MEGF10: variants seen among roughly 807,000 people sequenced by gnomAD.
The protein encoded by MEGF10 is multiple epidermal growth factor-like domains protein 10.
MEGF10 carries 86 observed loss-of-function variants against 147.5 expected under a neutral mutation model. The observed-to-expected ratio is 0.58, with a 90% CI of 0.49 to 0.70. The LOEUF is 0.70. MEGF10 is among the 30% of genes least tolerant of loss of function. MEGF10 has a pLI of 0.00. For synonymous variants in MEGF10, 478 were observed against 525.5 expected, an observed-to-expected ratio of 0.91 and a Z score of 1.24; for missense variants, 1,329 against 1,487.3, an observed-to-expected ratio of 0.89 and a Z score of 1.75.
chr5:127,436,721 G>A (rs1765562257), intron 16 of MEGF10, among the ~76,000 whole-genome samples: 1 of 152,202 alleles, frequency 6.6e-6, no homozygotes, highest in South Asian at 2.1e-4. Context: ...AGACTATAGT[G>A]TTGCCTGTCC....
intron 2 of MEGF10, among the ~76,000 whole-genome samples, chr5:127,337,135 G>A (rs1436389204): frequency 6.6e-6 from 1 of 152,140 alleles, no homozygotes; most frequent in Non-Finnish European, 1.5e-5. Context: ...GGAAGTTAAA[G>A]TTTCACCTAT....
chr5:127,376,635 G>T (rs1763039934), intron 5 of MEGF10, among the ~76,000 whole-genome samples: 1 of 152,060 alleles, frequency 6.6e-6, no homozygotes, highest in African/African-American at 2.4e-5. Context: ...GGGGCAGAAG[G>T]GCGGTTACAT....
At chr5:127,241,308 G>A in the MEGF10 span, among the ~76,000 whole-genome samples, 1 of 152,174 alleles carries the variant, frequency 6.6e-6, no homozygotes, top group Non-Finnish European at 1.5e-5. Flanking sequence ...AGATGAGGTT[G>A]ACAGGGGTGT....
the MEGF10 span, among the ~76,000 whole-genome samples, chr5:127,237,233 A>C: frequency 6.6e-6 from 1 of 152,224 alleles, no homozygotes; most frequent in African/African-American, 2.4e-5. Flanking sequence ...GTGGTGGCTC[A>C]TGATTGTAAT....
chr5:127,263,248 T>C, the MEGF10 span, among the ~76,000 whole-genome samples: 1 of 146,840 alleles, frequency 6.8e-6, no homozygotes, highest in Non-Finnish European at 1.5e-5. Context: ...GATGGGTTCA[T>C]GAATGTGATG....
chr5:127,240,697 A>G, the MEGF10 span, among the ~76,000 whole-genome samples: 1 of 152,198 alleles, frequency 6.6e-6, no homozygotes, highest in Non-Finnish European at 1.5e-5. Flanking sequence ...AAAATGATGC[A>G]GCAGTTCACA....
chr5:127,297,802 G>A (rs1430531363), intron 1 of MEGF10, among the ~76,000 whole-genome samples: 1 of 152,088 alleles, frequency 6.6e-6, no homozygotes, highest in Non-Finnish European at 1.5e-5. Flanking sequence ...ATGGGATTAG[G>A]GGGACCTATT....
At chr5:127,448,516 G>A (rs1391676181) in intron 21 of MEGF10, among the ~76,000 whole-genome samples, 6 of 151,960 alleles carry the variant, frequency 3.9e-5, no homozygotes, top group African/African-American at 1.5e-4. Context: ...TCTAATTCCA[G>A]TGCTCTATTA....
chr5:127,422,573 G>C, intron 12 of MEGF10, 97 bp from the exon 13 acceptor site: 1 of 866,340 alleles, frequency 1.2e-6, no homozygotes, highest in South Asian at 1.4e-5. Flanking sequence ...GGGACAGCAG[G>C]GTACTGTATG....
At chr5:127,392,528 T>C (rs532668041) in intron 5 of MEGF10, among the ~76,000 whole-genome samples, 2 of 152,234 alleles carry the variant, frequency 1.3e-5, no homozygotes, top group Non-Finnish European at 2.9e-5. Context: ...TTCAGTATTG[T>C]ATTGCTTCAG....
At chr5:127,260,625 G>A in the MEGF10 span, among the ~76,000 whole-genome samples, 1 of 152,152 alleles carries the variant, frequency 6.6e-6, no homozygotes, top group African/African-American at 2.4e-5. Context: ...GTGGAGAGAT[G>A]AGTATCTGGA....
At chr5:127,387,833 T>G (rs191459576) in intron 5 of MEGF10, among the ~76,000 whole-genome samples, 42 of 152,354 alleles carry the variant, frequency 2.8e-4, no homozygotes, top group African/African-American at 9.9e-4. Context: ...AGAAACTCAA[T>G]GTATCTTAGA....
At chr5:127,282,530 C>A in the MEGF10 span, among the ~76,000 whole-genome samples, 1 of 152,184 alleles carries the variant, frequency 6.6e-6, no homozygotes, top group African/African-American at 2.4e-5. Context: ...AAAGGCCTGA[C>A]CAATTCGCAG....
chr5:127,324,884 C>T (rs574221567), intron 1 of MEGF10, among the ~76,000 whole-genome samples: 134 of 152,332 alleles, frequency 8.8e-4, no homozygotes, highest in African/African-American at 3.1e-3. Context: ...TTATCTTTCT[C>T]TTTGCCTTGT....
At position 127,434,757 on chromosome 5, in the gene MEGF10, C is replaced by G; in HGVS notation, c.1911C>G (p.Pro637=). Reference sequence around the variant, plus strand: ...CACAGTGCGTTCACAGCAGCGGGCCCTGCCACCACATCACCGGCCTGTGTG... The same window carrying G: ...CACAGTGCGTTCACAGCAGCGGGCCGTGCCACCACATCACCGGCCTGTGTG... ...TCPQCVHSSG[P]CHHITGLCDC... Residue 637 remains proline, a synonymous_variant, in exon 15 of 25, where the codon CCC becomes CCG. Coordinates refer to ENST00000503335, the MANE Select transcript of MEGF10 (RefSeq NM_001256545.2). 6.2e-7 allele frequency: 1 copy of G among 1,614,028 alleles called. No individual in the cohort carries two copies. Among genetic ancestry groups the G allele is most frequent in the Non-Finnish European group, 8.5e-7 (1 of 1,180,042 alleles).
the MEGF10 span, among the ~76,000 whole-genome samples, chr5:127,265,022 C>T: frequency 3.2e-4 from 49 of 152,166 alleles, no homozygotes; most frequent in African/African-American, 1.1e-3. Flanking sequence ...CACCTATTAA[C>T]TTGTCATTTA....
At chr5:127,442,767 G>A (rs1204374368) in intron 18 of MEGF10, among the ~76,000 whole-genome samples, 1 of 152,154 alleles carries the variant, frequency 6.6e-6, no homozygotes, top group Non-Finnish European at 1.5e-5. Flanking sequence ...GAAAGTGTCA[G>A]GAGCTCTAAT....
intron 4 of MEGF10, among the ~76,000 whole-genome samples, chr5:127,346,146 G>T (rs992155449): frequency 6.6e-6 from 1 of 152,052 alleles, no homozygotes; most frequent in Non-Finnish European, 1.5e-5. Context: ...TTTTGCAATT[G>T]CGAATTGTGT....
At chr5:127,424,225 T>G (rs539585094) in intron 13 of MEGF10, 23 of 626,044 alleles carry the variant, frequency 3.7e-5, no homozygotes, top group African/African-American at 1.1e-4. Context: ...TTCATTTCAT[T>G]TGTCTATATA....
Sources: gnomAD v4.1 joint callset for allele counts (sites outside exome capture counted in the v4.1 genomes callset) on GRCh38, gnomAD v4.1.1 for gene constraint, MANE v1.5 for transcripts, NCBI Gene and HGNC (gene_info 2026-07-23, HGNC 2026-07-21) for gene names.